MAK: variants seen among roughly 807,000 people sequenced by gnomAD.
The protein encoded by MAK is serine/threonine-protein kinase MAK.
A neutral mutation model predicts 82.6 loss-of-function variants in MAK; 65 were observed. The ratio of observed to expected loss-of-function variants is 0.79; its 90% CI spans 0.64 to 0.97. The LOEUF is 0.97. MAK is among the 50% of genes least tolerant of loss of function. MAK has a pLI of 0.00. For missense variants in MAK, 703 were observed against 780.2 expected (o/e 0.90, Z 1.18); for synonymous variants, 250 against 274.2 (o/e 0.91, Z 0.87).
intron 14 of MAK, among the ~76,000 whole-genome samples, chr6:10,765,542 C>T (rs1348602128): frequency 1.3e-5 from 2 of 150,612 alleles, no homozygotes; most frequent in African/African-American, 4.9e-5. Flanking sequence ...TCACTGCAAC[C>T]TCCACCTCCC....
intron 2 of MAK, chr6:10,829,335 A>T (rs1778606622): frequency 6.6e-6 from 1 of 152,244 alleles, no homozygotes; most frequent in African/African-American, 2.4e-5. Flanking sequence ...TCAATTTGAC[A>T]TTATGAATAC....
chr6:10,788,353 C>T (rs1167332087), intron 10 of MAK, among the ~76,000 whole-genome samples: 1 of 151,870 alleles, frequency 6.6e-6, no homozygotes, highest in South Asian at 2.1e-4. Context: ...AAATATATGA[C>T]TAAAATTTAT....
At position 10,784,481 on chromosome 6, in the gene MAK, A is replaced by T; in HGVS notation, c.1408T>A (p.Leu470Met). ...TGTTTAGAGGTTGGAGCAGTTGACA[A>T]TTCGGAATCAGATTTTAGGGAAGTA... ...AVTSLKSDSE[L>M]STAPTSKQYY... is the part of the protein sequence containing the mutation. Residue 470 changes from leucine to methionine, a missense_variant, in exon 11 of 15, where the codon TTG (leucine) becomes ATG (methionine). Coordinates refer to ENST00000354489, the MANE Select transcript of MAK (RefSeq NM_001242957.3). 2.5e-6 allele frequency: 4 copies of T among 1,614,208 alleles called. No individual in the cohort carries two copies. The highest frequency in any genetic ancestry group is 3.4e-6 in the Non-Finnish European group (4 of 1,180,030).
At chr6:10,794,713 C>T (rs1055102395) in intron 9 of MAK, among the ~76,000 whole-genome samples, 1 of 152,158 alleles carries the variant, frequency 6.6e-6, no homozygotes, top group African/African-American at 2.4e-5. Flanking sequence ...CCTATTCTGG[C>T]CAGGTGCGGT....
At chr6:10,782,682 A>AT (rs1406024239) in intron 11 of MAK, among the ~76,000 whole-genome samples, 2 of 150,772 alleles carry the variant, frequency 1.3e-5, no homozygotes, top group Non-Finnish European at 2.9e-5. Context: ...GGGTCAAGCA[A>AT]TTCTCCTGCC....
intron 9 of MAK, among the ~76,000 whole-genome samples, chr6:10,794,721 G>A (rs1346394545): frequency 2.0e-5 from 3 of 152,138 alleles, no homozygotes; most frequent in African/African-American, 7.2e-5. Flanking sequence ...GGCCAGGTGC[G>A]GTGGCTCAGG....
Position 10,790,500 on chromosome 6 carries a change from G to A in MAK, c.1316+1175C>T, listed in dbSNP as rs1182024615. On this transcript the variant is annotated intron_variant, in intron 10 of 14. Coordinates refer to ENST00000354489, the MANE Select transcript of MAK (RefSeq NM_001242957.3). ...CAAAGTCGAATAATGTACTAAGGAT[G>A]ACCTCACTTATAAAAAGTAAAGGAA... Among the ~76,000 whole-genome samples the A allele has an allele frequency of 2.6e-5, 4 of 152,082 alleles. No individual in the cohort carries two copies. The East Asian group carries it at 7.7e-4, about 29-fold the overall frequency.
At chr6:10,826,115 A>T (rs186895061) in intron 2 of MAK, among the ~76,000 whole-genome samples, 78 of 151,404 alleles carry the variant, frequency 5.2e-4, no homozygotes, top group Non-Finnish European at 1.0e-3. Flanking sequence ...CCTCTGCCCC[A>T]CTCGTAATCC....
In MAK at chr6:10,801,908, C is replaced by T. The variant is rs765675052; in HGVS notation, c.815G>A (p.Arg272Gln). ...TEMLNWDPKKRPTASQALKHP... is the reference protein window; with the variant it reads ...TEMLNWDPKKQPTASQALKHP... ...TCCTCTTACCTGGCTTGCTGTCGGT[C>T]GTTTCTTTGGATCCCAATTCAACAT... The change falls in exon 8 of 15, where the codon CGA (arginine) becomes CAA (glutamine). Residue 272 changes from arginine to glutamine, a missense_variant. Physicochemically the swap from Arg to Gln is conservative, Grantham distance 43. Transcript: ENST00000354489. 4 of 1,614,020 alleles carry T rather than the reference C, an allele frequency of 2.5e-6. No individual in the cohort carries two copies. The highest frequency in any genetic ancestry group is 3.3e-5 in the Admixed American group (2 of 60,016).
At chr6:10,797,651 G>C (rs912775272) in intron 8 of MAK, 1 of 985,280 alleles carries the variant, frequency 1.0e-6, no homozygotes, top group African/African-American at 1.7e-5. Flanking sequence ...GGGGGGATGG[G>C]TTCCTTAAGA....
At chr6:10,772,174 A>G (rs1282190578) in intron 13 of MAK, among the ~76,000 whole-genome samples, 1 of 152,194 alleles carries the variant, frequency 6.6e-6, no homozygotes, top group East Asian at 1.9e-4. Flanking sequence ...GGGAAAAAAC[A>G]TGAACAGAAA....
intron 14 of MAK, among the ~76,000 whole-genome samples, chr6:10,766,051 T>A (rs947302568): frequency 2.0e-5 from 3 of 152,188 alleles, no homozygotes; most frequent in African/African-American, 7.2e-5. Context: ...TTTCCTCACC[T>A]CGAATTGAGA....
intron 10 of MAK, 61 bp downstream of exon 10, chr6:10,791,614 A>T (rs1314426733): frequency 1.4e-6 from 2 of 1,462,170 alleles, no homozygotes; most frequent in African/African-American, 2.8e-5. Context: ...ATTTATATTT[A>T]ATGAGTAAAA....
intron 4 of MAK, among the ~76,000 whole-genome samples, chr6:10,816,970 A>T (rs911522692): frequency 5.9e-5 from 9 of 152,278 alleles, no homozygotes; most frequent in African/African-American, 1.4e-4. Context: ...AAAAAGTAAA[A>T]ACTGATTTGA....
chr6:10,797,440 T>G (rs1455778268), intron 8 of MAK, among the ~76,000 whole-genome samples: 1 of 152,196 alleles, frequency 6.6e-6, no homozygotes. Flanking sequence ...TAGTGTCTAG[T>G]GTCTAGAGGG....
At chr6:10,765,399 G>T (rs912203037) in intron 14 of MAK, among the ~76,000 whole-genome samples, 1 of 145,630 alleles carries the variant, frequency 6.9e-6, no homozygotes, top group Non-Finnish European at 1.5e-5. Context: ...TCCTATAATA[G>T]ATTTCTTTTT....
At position 10,770,240 on chromosome 6, in the gene MAK, T is replaced by C. The variant is rs1772879138; in HGVS notation, c.1673-10A>G. ...TAACTTCCAAGATTTCCTAGTGACA[T>C]ATCATAAAGTTTCACAGTCAGAAGG... On this transcript the variant is annotated splice_polypyrimidine_tract_variant and intron_variant, in intron 13 of 14. Transcript: ENST00000354489. The C allele has an allele frequency of 8.1e-6, 13 of 1,613,676 alleles. No individual in the cohort carries two copies. Among genetic ancestry groups the C allele is most frequent in the Non-Finnish European group, 1.1e-5 (13 of 1,179,928 alleles).
In MAK at chr6:10,806,398, C is replaced by T. The variant is rs367603135; in HGVS notation, c.491+2412G>A. ...GGCTGGAGTGCAGTGGCGCGATCTT[C>T]GCTCACTGCAAGCTCCGCCTCCCAG... On this transcript the variant is annotated intron_variant, in intron 6 of 14. Transcript: ENST00000354489. Among the ~76,000 whole-genome samples the T allele has an allele frequency of 3.6e-4, 55 of 151,728 alleles. No homozygotes were observed. The East Asian group carries it at 9.3e-3, about 26-fold the overall frequency.
chr6:10,805,199 G>C (rs1351182347), intron 6 of MAK, among the ~76,000 whole-genome samples: 1 of 152,170 alleles, frequency 6.6e-6, no homozygotes, highest in South Asian at 2.1e-4. Flanking sequence ...ATAACTTGGC[G>C]AATAATTATC....
Sources: gnomAD v4.1 joint callset for allele counts (sites outside exome capture counted in the v4.1 genomes callset) on GRCh38, gnomAD v4.1.1 for gene constraint, MANE v1.5 for transcripts, NCBI Gene and HGNC (gene_info 2026-07-23, HGNC 2026-07-21) for gene names.